The following MYLK variants were observed in gnomAD, a reference collection of about 807,000 sequenced individuals.
The protein encoded by MYLK is myosin light chain kinase, smooth muscle.
Under a neutral mutation model 203.4 loss-of-function variants are expected in MYLK, and 106 were observed. That is an observed-to-expected ratio of 0.52 (90% CI 0.45 to 0.61). The LOEUF is 0.61. Among genes scored for constraint, MYLK ranks in the 20% least tolerant of loss-of-function variants. MYLK has a pLI of 0.00. For missense variants in MYLK, 2,072 were observed against 2,442.3 expected (o/e 0.85, Z 3.20); for synonymous variants, 867 against 959.5 (o/e 0.90, Z 1.78).
chr3:123,856,767 TA>T (rs112042593), intron 2 of MYLK, among the ~76,000 whole-genome samples: 1,789 of 151,358 alleles, frequency 0.012, 11 homozygotes, highest in African/African-American at 0.022. Context: ...ATCTTTGGTA[TA>T]AAAAAAAATT....
intron 2 of MYLK, among the ~76,000 whole-genome samples, chr3:123,866,350 A>T (rs1055522290): frequency 3.3e-5 from 5 of 152,124 alleles, no homozygotes; most frequent in African/African-American, 4.8e-5. Context: ...CACCCCCTTT[A>T]AATTTTCACC....
intron 3 of MYLK, among the ~76,000 whole-genome samples, chr3:123,799,180 C>G (rs57688777): frequency 6.6e-6 from 1 of 151,868 alleles, no homozygotes. Flanking sequence ...CCTTACCCCC[C>G]TTACCCCTCA....
Position 123,666,214 on chromosome 3 carries a change from C to A in MYLK, c.3831+5G>T. 2 of 1,614,242 alleles carry A rather than the reference C, an allele frequency of 1.2e-6. No homozygotes were observed. The highest frequency in any genetic ancestry group is 1.3e-5 in the African/African-American group (1 of 75,058). On this transcript the variant is annotated splice_donor_5th_base_variant and intron_variant, in intron 22 of 33. Transcript: ENST00000360304. ...CCCCAGTGCCCACCCCATACCGTCA[C>A]TGACCTGCTTTCGGAACTTCATCCA...
intron 4 of MYLK, among the ~76,000 whole-genome samples, chr3:123,792,294 C>T (rs555960672): frequency 1.3e-5 from 2 of 152,212 alleles, no homozygotes; most frequent in Non-Finnish European, 2.9e-5. Context: ...TGATCCGTTT[C>T]TCAAATGTTT....
chr3:123,738,649 C>T (rs948720978), intron 7 of MYLK, among the ~76,000 whole-genome samples: 1 of 152,148 alleles, frequency 6.6e-6, no homozygotes, highest in African/African-American at 2.4e-5. Flanking sequence ...GAATAAGTCT[C>T]ATGTGATCTG....
At chr3:123,880,062 C>G (rs113104900) in intron 1 of MYLK, among the ~76,000 whole-genome samples, 24 of 152,152 alleles carry the variant, frequency 1.6e-4, no homozygotes, top group African/African-American at 5.8e-4. Flanking sequence ...AGAACACTGC[C>G]CGGTATATAT....
At chr3:123,809,205 G>T (rs1483014435) in intron 3 of MYLK, among the ~76,000 whole-genome samples, 1 of 152,210 alleles carries the variant, frequency 6.6e-6, no homozygotes, top group African/African-American at 2.4e-5. Flanking sequence ...CCCTGAGGGA[G>T]TGTCCTGACC....
At chr3:123,741,264 C>T (rs1359948070) in intron 5 of MYLK, among the ~76,000 whole-genome samples, 3 of 152,128 alleles carry the variant, frequency 2.0e-5, no homozygotes, top group Non-Finnish European at 4.4e-5. Context: ...CAGCCACACC[C>T]GGTTTAAGAT....
intron 2 of MYLK, among the ~76,000 whole-genome samples, chr3:123,863,584 G>A (rs1024116619): frequency 3.6e-4 from 54 of 152,074 alleles, no homozygotes; most frequent in African/African-American, 1.3e-3. Flanking sequence ...TACATAAATG[G>A]CCAATAGGCA....
At chr3:123,830,711 C>A (rs758788583) in intron 3 of MYLK, among the ~76,000 whole-genome samples, 5 of 152,104 alleles carry the variant, frequency 3.3e-5, no homozygotes, top group Non-Finnish European at 7.4e-5. Flanking sequence ...TCACCCCAGG[C>A]TGATGTTAGC....
chr3:123,740,103 C>T (rs2062812607), intron 5 of MYLK, 102 bp from the exon 6 acceptor site: 6 of 1,148,878 alleles, frequency 5.2e-6, no homozygotes, highest in Non-Finnish European at 7.9e-6. Flanking sequence ...TGATGGTGAT[C>T]ATTAATCTTG....
At chr3:123,728,285 T>A (rs548414904) in intron 11 of MYLK, among the ~76,000 whole-genome samples, 7 of 152,294 alleles carry the variant, frequency 4.6e-5, no homozygotes, top group African/African-American at 1.7e-4. Context: ...GAAGGACTGC[T>A]TGAGCCAGAA....
intron 16 of MYLK, among the ~76,000 whole-genome samples, chr3:123,703,459 C>G (rs1452822878): frequency 2.6e-5 from 4 of 152,186 alleles, no homozygotes; most frequent in African/African-American, 9.7e-5. Context: ...CCTGTCCCCT[C>G]CCAGCCACCC....
At chr3:123,730,121 C>A (rs2062425523) in intron 11 of MYLK, among the ~76,000 whole-genome samples, 2 of 151,932 alleles carry the variant, frequency 1.3e-5, no homozygotes, top group Non-Finnish European at 2.9e-5. Flanking sequence ...CCCACCTACT[C>A]AGGAGGCGAG....
In MYLK at chr3:123,733,671, A is replaced by G; in HGVS notation, c.1309+16T>C. 6.2e-7 allele frequency: 1 copy of G among 1,613,506 alleles called. No individual in the cohort carries two copies. The highest frequency in any genetic ancestry group is 8.5e-7 in the Non-Finnish European group (1 of 1,180,000). On this transcript the variant is annotated intron_variant, in intron 10 of 33. Transcript: ENST00000360304. Reference sequence around the variant, plus strand: ...CTACATTTTGGCAATCGGTGACCCTAATTACCTCTACTCACCTTCACATCT... The same window carrying G: ...CTACATTTTGGCAATCGGTGACCCTGATTACCTCTACTCACCTTCACATCT...
Position 123,819,787 on chromosome 3 carries a change from C to CT in MYLK, c.-4+11760dup, listed in dbSNP as rs5852369. ...TTCATTTGAGATATTTCTAAGCCTC[C>CT]TTTTTTTTTTTTTTTTTTTTTTGCA... On this transcript the variant is annotated intron_variant, in intron 3 of 33. Coordinates refer to ENST00000360304, the MANE Select transcript of MYLK (RefSeq NM_053025.4). Among the ~76,000 whole-genome samples, 2,666 of 74,556 alleles carry CT rather than the reference C, an allele frequency of 0.036. 271 individuals are homozygous for CT. In the East Asian group the frequency reaches 0.36, roughly 10 times the overall value. The allele number at this position is 74,556 out of a possible 152,430, so 48.9% of individuals were successfully genotyped here. A position where few individuals can be genotyped will look rare whatever the true frequency, so the allele number is the denominator to read the frequency against.
At chr3:123,615,407 CACT>C (rs1216039106) in intron 33 of MYLK, among the ~76,000 whole-genome samples, 11 of 151,742 alleles carry the variant, frequency 7.2e-5, no homozygotes, top group African/African-American at 2.4e-4. Context: ...GATCTTGGCT[CACT>C]GTAACCTCCG....
intron 16 of MYLK, among the ~76,000 whole-genome samples, chr3:123,707,483 A>C (rs1237480083): frequency 6.6e-6 from 1 of 152,064 alleles, no homozygotes; most frequent in Admixed American, 6.6e-5. Flanking sequence ...CTTCCTTCAT[A>C]CTCACCATAC....
At chr3:123,683,818 G>A (rs562009820) in intron 19 of MYLK, among the ~76,000 whole-genome samples, 2 of 152,260 alleles carry the variant, frequency 1.3e-5, no homozygotes, top group African/African-American at 4.8e-5. Context: ...GGGTGTTGGG[G>A]GGAGCAGACA....
Sources: gnomAD v4.1 joint callset for allele counts (sites outside exome capture counted in the v4.1 genomes callset) on GRCh38, gnomAD v4.1.1 for gene constraint, MANE v1.5 for transcripts, NCBI Gene and HGNC (gene_info 2026-07-23, HGNC 2026-07-21) for gene names.